Variants in STARD8 observed in about 807,000 individuals in gnomAD.
STARD8 encodes the protein stAR-related lipid transfer protein 8.
STARD8 carries 25 observed loss-of-function variants against 69.4 expected under a neutral mutation model. The observed-to-expected ratio is 0.36, with a 90% confidence interval of 0.26 to 0.50. STARD8 has a LOEUF of 0.50. Ranked by LOEUF, STARD8 falls within the 20% of genes least tolerant of loss-of-function variation. STARD8 has a pLI of 0.96. For missense variants in STARD8, 921 were observed against 932.5 expected (o/e 0.99, Z 0.16); for synonymous variants, 389 against 374.6 (o/e 1.04, Z -0.45).
At chrX:68,672,775 G>C (rs1237372360) in intron 2 of STARD8, among the ~76,000 whole-genome samples, 1 of 110,968 alleles carries the variant, frequency 9.0e-6, no homozygotes, top group Non-Finnish European at 1.9e-5. Flanking sequence ...TGACCTGTTT[G>C]CTAAAGGGTT....
chrX:68,655,616 G>A (rs758533008), intron 1 of STARD8, among the ~76,000 whole-genome samples: 1 of 112,288 alleles, frequency 8.9e-6, no homozygotes, highest in East Asian at 2.8e-4. Context: ...AAAATAATAA[G>A]TTGTGGTAAG....
At chrX:68,652,824 C>A (rs113811570) in intron 1 of STARD8, among the ~76,000 whole-genome samples, 1 of 60,665 alleles carries the variant, frequency 1.6e-5, no homozygotes, top group Non-Finnish European at 3.1e-5. Context: ...ACCCCACACA[C>A]CCCACACCCC....
chrX:68,704,656 C>A (rs1456668599), intron 2 of STARD8, among the ~76,000 whole-genome samples: 1 of 111,392 alleles, frequency 9.0e-6, no homozygotes, highest in East Asian at 2.8e-4. Context: ...AGGCAGTGGG[C>A]GTATTGGGAG....
Position 68,724,453 on chromosome X carries a change from C to A in STARD8, c.*31C>A, listed in dbSNP as rs1391596468. 1.8e-6 allele frequency: 2 copies of A among 1,142,416 alleles called. No individual in the cohort carries two copies. The highest frequency in any genetic ancestry group is 3.6e-5 in the African/African-American group (2 of 55,877). 94.1% of individuals were successfully genotyped at this position (1,142,416 alleles called of 1,213,427 possible). A position where few individuals can be genotyped will look rare whatever the true frequency, so the allele number is the denominator to read the frequency against. ...GGGCTGGTCCCAGGGTGGCACCACC[C>A]AGGCCCCCTGGGCACCAAGGGAGCG... On this transcript the variant is annotated 3_prime_UTR_variant, in exon 15 of 15. Transcript: ENST00000374599.
intron 1 of STARD8, among the ~76,000 whole-genome samples, chrX:68,661,970 CTCTTTCTT>C (rs1169605331): frequency 0.097 from 5,402 of 55,788 alleles, 316 homozygotes; most frequent in Non-Finnish European, 0.12. Context: ...CTCTCTCTCT[CTCTTTCTT>C]TCTTTCTTTC....
At position 68,676,026 on chromosome X, in the gene STARD8, C is replaced by G. The variant is rs73529851; in HGVS notation, c.79+10494C>G. 5.0e-3 allele frequency among the ~76,000 whole-genome samples: 556 copies of G among 112,059 alleles called. 4 individuals carry two copies. The highest frequency in any genetic ancestry group is 0.017 in the African/African-American group (535 of 30,838). On this transcript the variant is annotated intron_variant, in intron 2 of 14. Coordinates refer to ENST00000374599, the MANE Select transcript of STARD8 (RefSeq NM_001142503.3). ...GGTTGTCCCTCAGGTCCTTTGAGCT[C>G]CTACACGCTGTATTTAAGACTTTTT...
chrX:68,683,641 A>AGT (rs1933786267), intron 2 of STARD8, among the ~76,000 whole-genome samples: 2 of 112,447 alleles, frequency 1.8e-5, no homozygotes, highest in African/African-American at 6.5e-5. Flanking sequence ...ACAAGGATGC[A>AGT]TACTAGAGTT....
At chrX:68,665,370 C>T (rs2079676512) in intron 1 of STARD8, 129 bp from the exon 2 acceptor site, 1 of 764,518 alleles carries the variant, frequency 1.3e-6, no homozygotes, top group South Asian at 2.5e-5. Context: ...TTTTCCTTTT[C>T]TTTGGACCTC....
chrX:68,717,318 C>T lies in STARD8; in HGVS notation c.404C>T (p.Pro135Leu), dbSNP rs1260572476. 9 of 1,204,733 alleles carry T rather than the reference C, an allele frequency of 7.5e-6. No individual in the cohort carries two copies. The Admixed American group carries it at 1.8e-4, about 24-fold the overall frequency. Residue 135 changes from proline (P) to leucine (L), a missense_variant, in exon 6 of 15, where the codon CCA (proline) becomes CTA (leucine). Pro to Leu is a moderately conservative substitution (Grantham distance 98). Coordinates refer to ENST00000374599, the MANE Select transcript of STARD8 (RefSeq NM_001142503.3). ...ATGGGGTCCTCTGATCTGTTGGCCC[C>T]ACCGAGCCCTGGCCTGCCAGCGACC... is the stretch of plus-strand genomic sequence containing the variant. ...SPMGSSDLLA[P>L]PSPGLPATSS...
At chrX:68,654,041 C>T (rs2079596745) in intron 1 of STARD8, among the ~76,000 whole-genome samples, 1 of 111,382 alleles carries the variant, frequency 9.0e-6, no homozygotes, top group South Asian at 3.8e-4. Context: ...ATTCTCTCTC[C>T]TGTCCCTCAG....
At chrX:68,684,451 C>G (rs2079818707) in intron 2 of STARD8, among the ~76,000 whole-genome samples, 1 of 112,954 alleles carries the variant, frequency 8.9e-6, no homozygotes, top group South Asian at 3.6e-4. Context: ...CCTTCTAGGC[C>G]GCTGCCACTG....
intron 12 of STARD8, 86 bp downstream of exon 12, chrX:68,722,732 C>A: frequency 1.1e-6 from 1 of 948,231 alleles, no homozygotes; most frequent in South Asian, 2.3e-5. Context: ...AGGAAGGAGC[C>A]GGGGAGGAGC....
intron 1 of STARD8, among the ~76,000 whole-genome samples, chrX:68,648,363 G>C (rs1182657591): frequency 8.9e-6 from 1 of 111,790 alleles, no homozygotes; most frequent in Non-Finnish European, 1.9e-5. Context: ...GCCTGGTGTG[G>C]AGCATCCACA....
intron 1 of STARD8, among the ~76,000 whole-genome samples, chrX:68,648,478 G>T (rs1054942003): frequency 9.0e-6 from 1 of 111,343 alleles, no homozygotes; most frequent in African/African-American, 3.3e-5. Context: ...AGACAAAAAA[G>T]GGCTGGACAC....
intron 2 of STARD8, among the ~76,000 whole-genome samples, 165 bp from the exon 3 acceptor site, chrX:68,712,749 T>C (rs767308944): frequency 8.9e-6 from 1 of 112,064 alleles, no homozygotes; most frequent in African/African-American, 3.2e-5. Flanking sequence ...TGGCTATGAC[T>C]TGGAGCAAAT....
intron 1 of STARD8, among the ~76,000 whole-genome samples, chrX:68,653,392 C>CA (rs2079585185): frequency 1.7e-5 from 1 of 57,939 alleles, no homozygotes. Flanking sequence ...CACACACACA[C>CA]CCCACACACA....
At chrX:68,691,502 G>C (rs911019010) in intron 2 of STARD8, among the ~76,000 whole-genome samples, 3 of 111,875 alleles carry the variant, frequency 2.7e-5, no homozygotes, top group Non-Finnish European at 3.8e-5. Context: ...CTCCTGGCCA[G>C]AATAAAAGAG....
At chrX:68,722,686 G>A in intron 12 of STARD8, 40 bp downstream of exon 12, 2 of 1,179,105 alleles carry the variant, frequency 1.7e-6, no homozygotes, top group Non-Finnish European at 2.3e-6. Context: ...GGGGCTGGGA[G>A]AGCATGGTGC....
chrX:68,647,862 A>G lies in STARD8; in HGVS notation c.-21A>G, dbSNP rs776762148. On this transcript the variant is annotated 5_prime_UTR_variant, in exon 1 of 15. Transcript: ENST00000374599. ...TGCCCGGCACAGCCCCGCCGGCCCT[A>G]GAAGCTCCCCACGCGCCACCATGCC... The G allele has an allele frequency of 5.8e-5, 69 of 1,192,966 alleles. No individual in the cohort carries two copies. The highest frequency in any genetic ancestry group is 7.4e-5 in the Non-Finnish European group (66 of 886,647).
Sources: gnomAD v4.1 joint callset for allele counts (sites outside exome capture counted in the v4.1 genomes callset) on GRCh38, gnomAD v4.1.1 for gene constraint, MANE v1.5 for transcripts, NCBI Gene and HGNC (gene_info 2026-07-23, HGNC 2026-07-21) for gene names.